KCNQ1: variants seen among roughly 807,000 people sequenced by gnomAD.
KCNQ1 encodes the protein potassium voltage-gated channel subfamily Q member 1, also known as potassium voltage-gated channel subfamily KQT member 1.
Under a neutral mutation model 72.4 loss-of-function variants are expected in KCNQ1, and 49 were observed. The observed-to-expected ratio is 0.68, with a 90% CI of 0.54 to 0.86. The LOEUF is 0.86. KCNQ1 is among the 40% of genes least tolerant of loss of function. The probability of loss-of-function intolerance (pLI) is 0.00; values close to 1 mark genes in which losing one functional copy is unlikely to be tolerated. For missense variants in KCNQ1, 790 were observed against 945.1 expected (o/e 0.84, Z 2.15); for synonymous variants, 450 against 412.6 (o/e 1.09, Z -1.10).
At chr11:2,765,279 A>G (rs1846476725) in intron 11 of KCNQ1, among the ~76,000 whole-genome samples, 1 of 152,176 alleles carries the variant, frequency 6.6e-6, no homozygotes, top group South Asian at 2.1e-4. Flanking sequence ...AGATTGTTTA[A>G]TATCCAAAAT....
chr11:2,756,851 C>G (rs1164505305), intron 11 of KCNQ1, among the ~76,000 whole-genome samples: 2 of 148,538 alleles, frequency 1.3e-5, no homozygotes, highest in Non-Finnish European at 3.0e-5. Flanking sequence ...ATTAGCACAA[C>G]CGGGAGAGAT....
chr11:2,471,726 G>T lies in KCNQ1; in HGVS notation c.386+26242G>T, dbSNP rs1846466475. ...TATAGGTGTGTGTATGTGTGCATGG[G>T]CGTGTGTATGTGTGCATGGGCGTGT... On this transcript the variant is annotated intron_variant, in intron 1 of 15. Transcript: ENST00000155840. The surrounding 1 kb of genome is among the most constrained non-coding windows in gnomAD (Gnocchi z 4.8). 7.1e-6 allele frequency among the ~76,000 whole-genome samples: 1 copy of T among 140,150 alleles called. No individual in the cohort carries two copies. Among genetic ancestry groups the T allele is most frequent in the Non-Finnish European group, 1.5e-5 (1 of 66,516 alleles). The allele number at this position is 140,150 out of a possible 152,430, so 91.9% of individuals were successfully genotyped here.
chr11:2,486,288 T>C lies in KCNQ1; in HGVS notation c.386+40804T>C, dbSNP rs1846739636. ...TTTTCATGCTCTTATTAGCCATTTG[T>C]ATATCTTCTTTGGAGAATATCTCCT... On this transcript the variant is annotated intron_variant, in intron 1 of 15. Transcript: ENST00000155840. This position sits in a 1 kb window ranked among gnomAD's most constrained non-coding sequence, Gnocchi z 5.0. Among the ~76,000 whole-genome samples, 1 of 152,230 alleles carries C rather than the reference T, an allele frequency of 6.6e-6. No individual in the cohort carries two copies. Among genetic ancestry groups the C allele is most frequent in the Non-Finnish European group, 1.5e-5 (1 of 68,038 alleles).
intron 7 of KCNQ1, among the ~76,000 whole-genome samples, chr11:2,584,442 AGTTTGT>A (rs752934798): frequency 5.9e-5 from 8 of 136,542 alleles, no homozygotes; most frequent in Admixed American, 1.4e-4. Context: ...AGTGTGCGTT[AGTTTGT>A]GTTTGTGTGT....
intron 11 of KCNQ1, among the ~76,000 whole-genome samples, chr11:2,722,999 A>G (rs1590053323): frequency 6.6e-6 from 1 of 152,124 alleles, no homozygotes; most frequent in Non-Finnish European, 1.5e-5. Flanking sequence ...GGGCAGGCTC[A>G]CCTCACACCC....
At chr11:2,558,947 C>A (rs571685996) in intron 2 of KCNQ1, among the ~76,000 whole-genome samples, 2 of 152,266 alleles carry the variant, frequency 1.3e-5, no homozygotes, top group Admixed American at 6.5e-5. Flanking sequence ...AAGCCTCCCC[C>A]ACTACACCCA....
chr11:2,481,413 G>A lies in KCNQ1; in HGVS notation c.386+35929G>A, dbSNP rs531872901. Among the ~76,000 whole-genome samples, 9 of 152,264 alleles carry A rather than the reference G, an allele frequency of 5.9e-5. No individual in the cohort carries two copies. The highest frequency in any genetic ancestry group is 1.7e-4 in the African/African-American group (7 of 41,548). ...TGGTCTTTGTGTGTGTGTTAAGGGC[G>A]TGTACACACACAGTGCAGTCAGGAG... On this transcript the variant is annotated intron_variant, in intron 1 of 15. Coordinates refer to ENST00000155840, the MANE Select transcript of KCNQ1 (RefSeq NM_000218.3). This position sits in a 1 kb window ranked among gnomAD's most constrained non-coding sequence, Gnocchi z 4.6.
At position 2,652,091 on chromosome 11, in the gene KCNQ1, C is replaced by T; in HGVS notation, c.1394-9870C>T. ...TGAGAAGCTATGGGGAGCCTCTCGG[C>T]CCCAGTTCTGGCCTGGCTGGGAGGT... On this transcript the variant is annotated intron_variant, in intron 10 of 15. Transcript: ENST00000155840. This position sits in a 1 kb window ranked among gnomAD's most constrained non-coding sequence, Gnocchi z 5.9. The T allele has an allele frequency of 2.5e-6, 1 of 398,676 alleles. No individual in the cohort carries two copies. The highest frequency in any genetic ancestry group is 4.4e-5 in the Admixed American group (1 of 22,738). The allele number at this position is 398,676 out of a possible 1,614,324, so 24.7% of individuals were successfully genotyped here. A position where few individuals can be genotyped will look rare whatever the true frequency, so the allele number is the denominator to read the frequency against.
Position 2,657,904 on chromosome 11 carries a change from T to C in KCNQ1, c.1394-4057T>C. ...GTGAGGTGAGATGCTTTCCTCATTG[T>C]GGAACATGACATCAACATGGTTTAT... is the stretch of plus-strand genomic sequence containing the variant. On this transcript the variant is annotated intron_variant, in intron 10 of 15. Transcript: ENST00000155840. This position sits in a 1 kb window ranked among gnomAD's most constrained non-coding sequence, Gnocchi z 4.8. 5.0e-6 allele frequency: 2 copies of C among 398,620 alleles called. No individual in the cohort carries two copies. The highest frequency in any genetic ancestry group is 8.8e-6 in the Non-Finnish European group (2 of 226,048). 24.7% of individuals were successfully genotyped at this position (398,620 alleles called of 1,614,324 possible).
At chr11:2,755,544 C>A (rs923749454) in intron 11 of KCNQ1, among the ~76,000 whole-genome samples, 2 of 152,242 alleles carry the variant, frequency 1.3e-5, no homozygotes, top group Non-Finnish European at 1.5e-5. Context: ...TAGGCATGAG[C>A]CACTGTGCCT....
chr11:2,603,679 T>C lies in KCNQ1; in HGVS notation c.1393+14825T>C, dbSNP rs1437086334. On this transcript the variant is annotated intron_variant, in intron 10 of 15. Coordinates refer to ENST00000155840, the MANE Select transcript of KCNQ1 (RefSeq NM_000218.3). This position sits in a 1 kb window ranked among gnomAD's most constrained non-coding sequence, Gnocchi z 4.1. ...TCACTTAGCATCATGTTTTCAAGGT[T>C]TGTGCTTCAGTGCTTCTTTTTTTTT... is the stretch of plus-strand genomic sequence containing the variant. Among the ~76,000 whole-genome samples the C allele has an allele frequency of 6.6e-6, 1 of 152,164 alleles. No homozygotes were observed. The highest frequency in any genetic ancestry group is 1.5e-5 in the Non-Finnish European group (1 of 68,036).
Position 2,468,836 on chromosome 11 carries a change from A to G in KCNQ1, c.386+23352A>G, listed in dbSNP as rs1846395214. 6.6e-6 allele frequency among the ~76,000 whole-genome samples: 1 copy of G among 152,054 alleles called. No individual in the cohort carries two copies. Among genetic ancestry groups the G allele is most frequent in the East Asian group, 1.9e-4 (1 of 5,178 alleles). ...GCTGTATCCCATTTGGGCTCTCACA[A>G]ATGATACTGCTAGGAATAGCTGGAG... is the stretch of plus-strand genomic sequence containing the variant. On this transcript the variant is annotated intron_variant, in intron 1 of 15. Transcript: ENST00000155840. This position sits in a 1 kb window ranked among gnomAD's most constrained non-coding sequence, Gnocchi z 5.7.
At position 2,667,455 on chromosome 11, in the gene KCNQ1, A is replaced by G. The variant is rs369018608; in HGVS notation, c.1514+5374A>G. 3.8e-5 allele frequency: 15 copies of G among 398,732 alleles called. 2 individuals carry two copies. Among genetic ancestry groups the G allele is most frequent in the African/African-American group, 2.9e-4 (14 of 48,762 alleles). 24.7% of individuals were successfully genotyped at this position (398,732 alleles called of 1,614,324 possible). A position where few individuals can be genotyped will look rare whatever the true frequency, so the allele number is the denominator to read the frequency against. On this transcript the variant is annotated intron_variant, in intron 11 of 15. Transcript: ENST00000155840. The stretch of plus-strand genomic sequence containing the variant: ...CATGATGCTGCTCAGGTCCTCAGCC[A>G]AGCAGATGGTGTTGGAGGATGTGAC...
At chr11:2,583,337 G>A in intron 6 of KCNQ1, 98 bp from the exon 7 acceptor site, 1 of 853,624 alleles carries the variant, frequency 1.2e-6, no homozygotes, top group African/African-American at 1.7e-5. Flanking sequence ...TCTCTTGCCG[G>A]CCTCTCCGCT....
At position 2,620,221 on chromosome 11, in the gene KCNQ1, T is replaced by A. The variant is rs868690245; in HGVS notation, c.1393+31367T>A. 1.9e-3 allele frequency: 539 copies of A among 280,184 alleles called. 3 individuals are homozygous for A. Among genetic ancestry groups the A allele is most frequent in the African/African-American group, 0.01 (454 of 44,524 alleles). The allele number at this position is 280,184 out of a possible 1,614,324, so 17.4% of individuals were successfully genotyped here. A position where few individuals can be genotyped will look rare whatever the true frequency, so the allele number is the denominator to read the frequency against. On this transcript the variant is annotated intron_variant, in intron 10 of 15. Coordinates refer to ENST00000155840, the MANE Select transcript of KCNQ1 (RefSeq NM_000218.3). This position sits in a 1 kb window ranked among gnomAD's most constrained non-coding sequence, Gnocchi z 4.5. The stretch of plus-strand genomic sequence containing the variant: ...CATGTATATATATATATTTTTTTTT[T>A]TTATTTTTTTTTTAGACGGAGTTTC...
intron 11 of KCNQ1, chr11:2,692,870 C>A (rs955958040): frequency 1.8e-5 from 7 of 398,588 alleles, no homozygotes; most frequent in African/African-American, 4.1e-5. Flanking sequence ...TGGGAAGGCA[C>A]TGTGCTGTGT....
chr11:2,466,780 C>A (rs1490712023), intron 1 of KCNQ1, among the ~76,000 whole-genome samples: 1 of 151,990 alleles, frequency 6.6e-6, no homozygotes, highest in Non-Finnish European at 1.5e-5. Context: ...TGTTCCTTAG[C>A]CTCCCTTGGC....
intron 15 of KCNQ1, among the ~76,000 whole-genome samples, chr11:2,791,020 T>C (rs992090567): frequency 4.6e-5 from 7 of 152,256 alleles, no homozygotes; most frequent in Non-Finnish European, 8.8e-5. Flanking sequence ...TTAGCCTGCC[T>C]GTGGGGGACA....
intron 11 of KCNQ1, chr11:2,694,093 G>A: frequency 2.5e-6 from 1 of 398,666 alleles, no homozygotes. Context: ...ACCTCTGGGT[G>A]GCAGCCCATA....
Sources: allele counts gnomAD v4.1 joint callset (sites outside exome capture counted in the v4.1 genomes callset), GRCh38; gene constraint gnomAD v4.1.1; non-coding constraint Gnocchi (gnomAD v3.1); transcripts MANE v1.5; gene names NCBI Gene and HGNC (gene_info 2026-07-23, HGNC 2026-07-21).